SLC3A2: variants seen among roughly 807,000 people sequenced by gnomAD.
SLC3A2 encodes amino acid transporter heavy chain SLC3A2.
A neutral mutation model predicts 48.5 loss-of-function variants in SLC3A2; 32 were observed. The observed-to-expected ratio is 0.66, with a 90% CI of 0.50 to 0.89. The LOEUF is 0.89. SLC3A2 is among the 40% of genes least tolerant of loss of function. SLC3A2 has a pLI of 0.00. For synonymous variants in SLC3A2, 277 were observed against 288.8 expected (o/e 0.96, Z 0.41); for missense variants, 587 against 680.7 (o/e 0.86, Z 1.53).
chr11:62,856,997 A>G (rs1255880748), intron 1 of SLC3A2, among the ~76,000 whole-genome samples: 3 of 148,056 alleles, frequency 2.0e-5, no homozygotes, highest in African/African-American at 2.5e-5. Flanking sequence ...CTAATTTTGT[A>G]TTTTTAGTAG....
chr11:62,859,448 C>A (rs1023423599), intron 1 of SLC3A2, among the ~76,000 whole-genome samples: 43 of 152,170 alleles, frequency 2.8e-4, no homozygotes, highest in Admixed American at 2.7e-3. Context: ...GACACAGTAA[C>A]AATCTGATCT....
intron 3 of SLC3A2, 55 bp downstream of exon 3, chr11:62,883,054 C>A: frequency 6.5e-7 from 1 of 1,533,136 alleles, no homozygotes; most frequent in Non-Finnish European, 9.0e-7. Flanking sequence ...TGGGACAGTC[C>A]TTTCACAGCA....
chr11:62,860,080 AG>A (rs2085382569), intron 1 of SLC3A2, among the ~76,000 whole-genome samples: 1 of 152,156 alleles, frequency 6.6e-6, no homozygotes, highest in African/African-American at 2.4e-5. Flanking sequence ...TGGTGGGGAG[AG>A]GGTCAGCAGG....
chr11:62,856,338 T>G (rs761105668), exon 1 of SLC3A2: 3 of 1,613,312 alleles, frequency 1.9e-6, no homozygotes, highest in Admixed American at 3.3e-5. Context: ...CTGGCTCACA[T>G]TCGGAGGCTG....
At chr11:62,858,662 G>T (rs1039347510) in intron 1 of SLC3A2, among the ~76,000 whole-genome samples, 3 of 152,148 alleles carry the variant, frequency 2.0e-5, no homozygotes, top group Non-Finnish European at 4.4e-5. Context: ...GGAGGATCCC[G>T]CCAGCCTCTG....
rs2085637348 is a variant in SLC3A2, at chr11:62,881,428, C to A, written c.405C>A (p.His135Gln). The A allele has an allele frequency of 1.3e-6, 2 of 1,587,312 alleles. No homozygotes were observed. Among genetic ancestry groups the A allele is most frequent in the Non-Finnish European group, 1.7e-6 (2 of 1,174,288 alleles). ...RIGDLQAFQG[H>Q]GAGNLAGLKG... ...GCGACCTTCAGGCCTTCCAGGGCCA[C>A]GGCGCGGGCAACCTGGCGGGTGAGT... The change falls in exon 1 of 9, where the codon CAC becomes CAA. Residue 135 changes from histidine (H) to glutamine (Q), a missense_variant. Coordinates refer to ENST00000338663, the MANE Select transcript of SLC3A2 (RefSeq NM_001013251.3). The surrounding 1 kb of genome is among the most constrained non-coding windows in gnomAD (Gnocchi z 4.0).
intron 5 of SLC3A2, 37 bp from the exon 6 acceptor site, chr11:62,885,140 C>G: frequency 6.2e-7 from 1 of 1,608,050 alleles, no homozygotes; most frequent in Non-Finnish European, 8.5e-7. Context: ...CCCATTCTTT[C>G]TTGTGCTAAC....
Position 62,875,535 on chromosome 11 carries a change from CA to C in SLC3A2, c.113-5474del, listed in dbSNP as rs375238199. On this transcript the variant is annotated intron_variant, in intron 1 of 9. Coordinates refer to the SLC3A2 transcript ENST00000377889. The stretch of plus-strand genomic sequence containing the variant: ...TGGGCGACAGAGCGAGACTTCATCT[CA>C]AAAAAAAAAGTCCTTCTTAGATGTT... 2.5e-3 allele frequency among the ~76,000 whole-genome samples: 363 copies of C among 147,654 alleles called. 2 individuals are homozygous for C. Among genetic ancestry groups the C allele is most frequent in the African/African-American group, 8.2e-3 (331 of 40,432 alleles).
intron 1 of SLC3A2, among the ~76,000 whole-genome samples, chr11:62,859,376 C>G (rs2134969190): frequency 6.6e-6 from 1 of 152,270 alleles, no homozygotes; most frequent in South Asian, 2.1e-4. Flanking sequence ...AATCTCAAGG[C>G]AGAAGAATTT....
At chr11:62,858,043 A>G (rs774085060) in intron 1 of SLC3A2, among the ~76,000 whole-genome samples, 1 of 152,184 alleles carries the variant, frequency 6.6e-6, no homozygotes, top group Non-Finnish European at 1.5e-5. Context: ...TGAATTATAC[A>G]TAGAAAAGAA....
Position 62,882,080 on chromosome 11 carries a change from G to A in SLC3A2, c.598+14G>A, listed in dbSNP as rs757174079. 5.6e-6 allele frequency: 9 copies of A among 1,613,828 alleles called. No individual in the cohort carries two copies. The Admixed American group carries it at 8.3e-5, about 15-fold the overall frequency. ...CTAAAAAAAAGAGTGGGTATCCTGG[G>A]GTTCCCAAGGAAACAGCTAGAAAGG... On this transcript the variant is annotated intron_variant, in intron 2 of 8. Coordinates refer to ENST00000338663, the MANE Select transcript of SLC3A2 (RefSeq NM_001013251.3).
intron 1 of SLC3A2, among the ~76,000 whole-genome samples, chr11:62,869,321 G>C (rs1029997237): frequency 6.6e-6 from 1 of 151,398 alleles, no homozygotes; most frequent in Non-Finnish European, 1.5e-5. Context: ...TCAGGAGATC[G>C]AGACCATCCT....
At chr11:62,878,776 C>T (rs1565251271), upstream of SLC3A2, among the ~76,000 whole-genome samples, 13 of 144,024 alleles carry the variant, frequency 9.0e-5, 1 homozygote, top group South Asian at 3.0e-3. Flanking sequence ...CACGCCTGGC[C>T]TTTTTTTTTC....
chr11:62,870,846 A>T lies in SLC3A2; in HGVS notation c.113-10173A>T, dbSNP rs12272749. 63 of 141,596 alleles carry T rather than the reference A, an allele frequency of 4.4e-4. 1 individual carries two copies. The highest frequency in any genetic ancestry group is 2.4e-3 in the African/African-American group (54 of 22,382). 8.8% of individuals were successfully genotyped at this position (141,596 alleles called of 1,614,324 possible). A position where few individuals can be genotyped will look rare whatever the true frequency, so the allele number is the denominator to read the frequency against. ...GAATGCCGAGATGATAGGTAATAAT[A>T]ATAATAATAATTATTATTATTATTA... is the stretch of plus-strand genomic sequence containing the variant. On this transcript the variant is annotated intron_variant, in intron 1 of 9. Transcript: ENST00000377889.
chr11:62,862,627 C>A (rs2085413326), intron 1 of SLC3A2, among the ~76,000 whole-genome samples: 1 of 152,086 alleles, frequency 6.6e-6, no homozygotes, highest in South Asian at 2.1e-4. Flanking sequence ...TAGCAGAATA[C>A]AATTCACAAA....
intron 1 of SLC3A2, among the ~76,000 whole-genome samples, chr11:62,869,171 T>G (rs1388474582): frequency 6.6e-6 from 1 of 151,790 alleles, no homozygotes; most frequent in East Asian, 1.9e-4. Context: ...AGTGCTGGGA[T>G]TACAGGTGTG....
chr11:62,871,421 G>T (rs2085515454), intron 1 of SLC3A2, among the ~76,000 whole-genome samples: 1 of 150,826 alleles, frequency 6.6e-6, no homozygotes, highest in African/African-American at 2.4e-5. Flanking sequence ...TGTATTTTTA[G>T]TAGAGACGGA....
chr11:62,862,034 C>T (rs1417377794), intron 1 of SLC3A2, among the ~76,000 whole-genome samples: 2 of 151,100 alleles, frequency 1.3e-5, no homozygotes, highest in Non-Finnish European at 3.0e-5. Context: ...AGAAGTGCTG[C>T]TAGGCCAGGC....
intron 1 of SLC3A2, among the ~76,000 whole-genome samples, chr11:62,857,695 CAAAAA>C (rs56818745): frequency 4.5e-4 from 24 of 52,796 alleles, no homozygotes; most frequent in African/African-American, 1.4e-3. Flanking sequence ...GACCCTGTCT[CAAAAA>C]AAAAAAAAAA....
Sources: gnomAD v4.1 joint callset for allele counts (sites outside exome capture counted in the v4.1 genomes callset) on GRCh38, gnomAD v4.1.1 for gene constraint, Gnocchi (gnomAD v3.1) non-coding constraint, MANE v1.5 for transcripts, NCBI Gene and HGNC (gene_info 2026-07-23, HGNC 2026-07-21) for gene names.